CNTLN: variants seen among roughly 807,000 people sequenced by gnomAD.
CNTLN encodes centlein, centrosomal protein.
In CNTLN, 212 loss-of-function variants were observed where a neutral mutation model predicts 180.0. That is an observed-to-expected ratio of 1.18 (90% CI 1.05 to 1.32). The LOEUF (loss-of-function observed/expected upper bound fraction) is 1.32, where lower values mean the gene tolerates loss of function less well. Ranked by LOEUF, CNTLN falls within the 40% of genes most tolerant of loss-of-function variation. CNTLN has a pLI of 0.00. For synonymous variants in CNTLN, 722 were observed against 563.1 expected (o/e 1.28, Z -3.99); for missense variants, 2,095 against 1,610.9 (o/e 1.30, Z -5.14).
chr9:17,499,484 G>T lies in CNTLN; in HGVS notation c.4120-3067G>T, dbSNP rs1249315552. ...TATGAAAAATGTTTGCTAAATAAAT[G>T]AATAGTATAAACTTGGTAAGAGAGG... On this transcript the variant is annotated intron_variant, in intron 25 of 25. Coordinates refer to ENST00000380647, the MANE Select transcript of CNTLN (RefSeq NM_017738.4). Among the ~76,000 whole-genome samples the T allele has an allele frequency of 2.6e-5, 4 of 152,206 alleles. No homozygotes were observed. The South Asian group carries it at 6.2e-4, about 24-fold the overall frequency.
chr9:17,387,354 T>C (rs1825760898), intron 13 of CNTLN, among the ~76,000 whole-genome samples: 1 of 152,196 alleles, frequency 6.6e-6, no homozygotes. Context: ...AGAAATGTTA[T>C]ATTCCAGAAT....
In CNTLN at chr9:17,260,475, CTGTT is replaced by C. The variant is rs972702050; in HGVS notation, c.850-13256_850-13253del. On this transcript the variant is annotated intron_variant, in intron 5 of 25. Coordinates refer to ENST00000380647, the MANE Select transcript of CNTLN (RefSeq NM_017738.4). The stretch of plus-strand genomic sequence containing the variant: ...CTGTATGTCTTCTTTTGACAAGTGT[CTGTT>C]TATGTTCTTTGCCCACTTTTTAATG... Among the ~76,000 whole-genome samples, 40 of 151,460 alleles carry C rather than the reference CTGTT, an allele frequency of 2.6e-4. 1 individual carries two copies. In the Middle Eastern group the frequency reaches 0.01, roughly 39 times the overall value.
intron 13 of CNTLN, among the ~76,000 whole-genome samples, chr9:17,384,886 A>G (rs1825566875): frequency 6.6e-6 from 1 of 152,132 alleles, no homozygotes; most frequent in African/African-American, 2.4e-5. Context: ...TGGGCAATTC[A>G]GTTCAATTCT....
At chr9:17,296,808 A>G (rs1003763772) in intron 6 of CNTLN, among the ~76,000 whole-genome samples, 2 of 152,066 alleles carry the variant, frequency 1.3e-5, no homozygotes, top group African/African-American at 2.4e-5. Flanking sequence ...ATGTATCTGT[A>G]TGGATGCAGG....
In CNTLN at chr9:17,466,839, A is replaced by C; in HGVS notation, c.3803A>C (p.Lys1268Thr). ...GAACAGGTCCTAGAAGGTGCACAGA[A>C]GACATTGCTGTTAGCCAATGAAAAA... ...QSEQVLEGAQ[K>T]TLLLANEKVE... The change falls in exon 23 of 26, where the codon AAG (lysine) becomes ACG (threonine). Residue 1268 changes from lysine (K) to threonine (T), a missense_variant. Transcript: ENST00000380647. 6.2e-7 allele frequency: 1 copy of C among 1,610,722 alleles called. No individual in the cohort carries two copies. The highest frequency in any genetic ancestry group is 1.1e-5 in the South Asian group (1 of 90,896).
intron 2 of CNTLN, among the ~76,000 whole-genome samples, chr9:17,206,131 A>G (rs750099801): frequency 1.3e-5 from 2 of 152,138 alleles, no homozygotes; most frequent in African/African-American, 4.8e-5. Context: ...GGAATGGGCT[A>G]CCTTGGAGAA....
At chr9:17,390,535 C>T (rs1315084645) in intron 14 of CNTLN, among the ~76,000 whole-genome samples, 1 of 152,194 alleles carries the variant, frequency 6.6e-6, no homozygotes, top group South Asian at 2.1e-4. Flanking sequence ...TGAGCCACTG[C>T]ACCCGGCCTG....
intron 12 of CNTLN, among the ~76,000 whole-genome samples, chr9:17,347,402 C>G (rs1321516643): frequency 1.3e-5 from 2 of 152,144 alleles, no homozygotes; most frequent in Non-Finnish European, 2.9e-5. Flanking sequence ...GGCACAGTGG[C>G]TCATGCCTGT....
chr9:17,343,991 C>A (rs945350566), intron 12 of CNTLN, among the ~76,000 whole-genome samples: 2 of 152,128 alleles, frequency 1.3e-5, no homozygotes, highest in Admixed American at 6.5e-5. Context: ...CAAGGTTCAT[C>A]CATGTTGTAA....
At chr9:17,404,502 T>A (rs561167526) in intron 15 of CNTLN, among the ~76,000 whole-genome samples, 1 of 151,612 alleles carries the variant, frequency 6.6e-6, no homozygotes, top group South Asian at 2.1e-4. Flanking sequence ...GGATTCCCTA[T>A]ACTGAGCTAA....
chr9:17,498,242 T>G (rs1833562563), intron 25 of CNTLN, among the ~76,000 whole-genome samples: 1 of 152,184 alleles, frequency 6.6e-6, no homozygotes, highest in African/African-American at 2.4e-5. Flanking sequence ...TGTAATAAGT[T>G]ATTTTTATGT....
At chr9:17,329,547 A>G (rs1456611826) in intron 8 of CNTLN, among the ~76,000 whole-genome samples, 3 of 152,066 alleles carry the variant, frequency 2.0e-5, no homozygotes, top group Non-Finnish European at 2.9e-5. Flanking sequence ...AAGGTTGGAA[A>G]CAAATGAGGT....
At chr9:17,525,143 C>G in the CNTLN span, among the ~76,000 whole-genome samples, 1 of 152,086 alleles carries the variant, frequency 6.6e-6, no homozygotes, top group Admixed American at 6.6e-5. Flanking sequence ...CCCAACATCC[C>G]TCAGCCAAAA....
chr9:17,417,934 A>G (rs1450766784), intron 18 of CNTLN, among the ~76,000 whole-genome samples: 1 of 152,030 alleles, frequency 6.6e-6, no homozygotes, highest in African/African-American at 2.4e-5. Context: ...CAGTTACTGC[A>G]TGGTTCATCT....
At chr9:17,165,423 G>T (rs886959684) in intron 2 of CNTLN, among the ~76,000 whole-genome samples, 1 of 152,202 alleles carries the variant, frequency 6.6e-6, no homozygotes, top group African/African-American at 2.4e-5. Context: ...CTAGAATGAT[G>T]TAAGGTGAAT....
At chr9:17,474,368 C>T (rs1375721228) in intron 23 of CNTLN, among the ~76,000 whole-genome samples, 3 of 152,144 alleles carry the variant, frequency 2.0e-5, no homozygotes, top group African/African-American at 4.8e-5. Flanking sequence ...CTGTAATCAT[C>T]TTCGGCTCTT....
intron 2 of CNTLN, among the ~76,000 whole-genome samples, chr9:17,215,791 C>T (rs982958402): frequency 2.1e-4 from 32 of 152,102 alleles, no homozygotes; most frequent in Non-Finnish European, 2.9e-4. Context: ...CCTTGCAGTT[C>T]GATCTCAGAC....
chr9:17,196,892 T>C (rs1357196352), intron 2 of CNTLN, among the ~76,000 whole-genome samples: 7 of 152,096 alleles, frequency 4.6e-5, no homozygotes, highest in Admixed American at 1.3e-4. Flanking sequence ...TATTTTAAAG[T>C]GTACAATAAA....
intron 2 of CNTLN, among the ~76,000 whole-genome samples, chr9:17,162,550 G>C (rs1563836915): frequency 6.6e-6 from 1 of 152,202 alleles, no homozygotes; most frequent in East Asian, 1.9e-4. Flanking sequence ...TGGTAGAAGA[G>C]AATACAGTAT....
Sources: allele counts gnomAD v4.1 joint callset (sites outside exome capture counted in the v4.1 genomes callset), GRCh38; gene constraint gnomAD v4.1.1; transcripts MANE v1.5; gene names NCBI Gene and HGNC (gene_info 2026-07-23, HGNC 2026-07-21).